The following PRPF6 variants were observed in gnomAD, a reference collection of about 807,000 sequenced individuals.
The protein encoded by PRPF6 is pre-mRNA-processing factor 6.
In PRPF6, 42 loss-of-function variants were observed where a neutral mutation model predicts 118.3. The ratio of observed to expected loss-of-function variants is 0.35; its 90% CI spans 0.28 to 0.46. The LOEUF is 0.46. PRPF6 is among the 20% of genes least tolerant of loss of function. The probability of loss-of-function intolerance (pLI) is 1.00; values close to 1 mark genes in which losing one functional copy is unlikely to be tolerated. For synonymous variants in PRPF6, 481 were observed against 485.1 expected, an observed-to-expected ratio of 0.99 and a Z score of 0.11; for missense variants, 662 against 1,255.7, an observed-to-expected ratio of 0.53 and a Z score of 7.15.
At chr20:64,016,551 T>C (rs756062363) in intron 11 of PRPF6, among the ~76,000 whole-genome samples, 172 bp from the exon 12 acceptor site, 2 of 152,220 alleles carry the variant, frequency 1.3e-5, no homozygotes, top group Non-Finnish European at 2.9e-5. Flanking sequence ...TTCTCTATTG[T>C]TTTTTCTGAT....
At chr20:63,999,955 C>CTTTT (rs35446612) in intron 8 of PRPF6, among the ~76,000 whole-genome samples, 196 bp downstream of exon 8, 9 of 145,832 alleles carry the variant, frequency 6.2e-5, no homozygotes, top group Admixed American at 4.8e-4. Context: ...TAATCCACCA[C>CTTTT]TTTTTTTTTT....
intron 11 of PRPF6, among the ~76,000 whole-genome samples, chr20:64,013,794 T>C (rs1291635420): frequency 6.6e-6 from 1 of 152,122 alleles, no homozygotes; most frequent in Non-Finnish European, 1.5e-5. Flanking sequence ...CCATTTAAAG[T>C]TTACGATTCA....
At chr20:63,985,183 G>A (rs1397675951) in intron 3 of PRPF6, among the ~76,000 whole-genome samples, 158 bp downstream of exon 3, 1 of 152,030 alleles carries the variant, frequency 6.6e-6, no homozygotes, top group Admixed American at 6.6e-5. Flanking sequence ...GGGCAACGTA[G>A]GGAGACTTAA....
Position 63,983,188 on chromosome 20 carries a change from G to C in PRPF6, c.213G>C (p.Glu71Asp). The C allele has an allele frequency of 2.5e-6, 4 of 1,614,196 alleles. No homozygotes were observed. Among genetic ancestry groups the C allele is most frequent in the Non-Finnish European group, 3.4e-6 (4 of 1,180,044 alleles). Reference protein sequence around the residue: ...KKNQAADDDDEDLNDTNYDEF... With the variant: ...KKNQAADDDDDDLNDTNYDEF... The stretch of plus-strand genomic sequence containing the variant: ...ATCAGGCTGCTGACGATGACGACGA[G>C]GATCTAAATGACACCAATTACGATG... Residue 71 changes from glutamate (E) to aspartate (D), a missense_variant, in exon 2 of 21, where the codon GAG (glutamate) becomes GAC (aspartate). Glu to Asp is a conservative substitution (Grantham distance 45, BLOSUM62 2). Around this residue, in one of 10 missense-constraint regions of PRPF6, gnomAD observed 21 missense variants for 45.5 expected, o/e 0.46. Transcript: ENST00000266079.
At chr20:64,003,080 G>C (rs541671535) in intron 9 of PRPF6, among the ~76,000 whole-genome samples, 2 of 152,166 alleles carry the variant, frequency 1.3e-5, no homozygotes, top group African/African-American at 4.8e-5. Flanking sequence ...AAGTAGCTGG[G>C]AGTATAGGTC....
intron 19 of PRPF6, among the ~76,000 whole-genome samples, chr20:64,031,210 G>C (rs2059312451): frequency 6.6e-6 from 1 of 152,276 alleles, no homozygotes; most frequent in Non-Finnish European, 1.5e-5. Context: ...GTTGCTGCTG[G>C]AGGCCGGGTG....
chr20:63,999,817 G>A, intron 8 of PRPF6, 58 bp downstream of exon 8: 2 of 1,589,812 alleles, frequency 1.3e-6, no homozygotes. Flanking sequence ...GCCCCTACGG[G>A]AGTAAACTTG....
chr20:63,983,655 T>A (rs570683967), intron 2 of PRPF6, among the ~76,000 whole-genome samples: 175 of 149,384 alleles, frequency 1.2e-3, no homozygotes, highest in Non-Finnish European at 1.9e-3. Flanking sequence ...GGCCAGTCTT[T>A]TTTTTTTTTT....
intron 14 of PRPF6, 36 bp from the exon 15 acceptor site, chr20:64,025,903 C>G (rs759899416): frequency 1.2e-6 from 2 of 1,613,340 alleles, no homozygotes; most frequent in Non-Finnish European, 1.7e-6. Flanking sequence ...TCCCTGTGTT[C>G]TGACCCCTCT....
chr20:63,990,571 G>A (rs141867513), intron 3 of PRPF6, among the ~76,000 whole-genome samples: 2 of 151,900 alleles, frequency 1.3e-5, no homozygotes, highest in African/African-American at 2.4e-5. Context: ...CCTGGCTCAA[G>A]CGATTCTCCT....
rs190343058 is a variant in PRPF6 at position 64,003,676 on chromosome 20, A to G, written c.1186+2437A>G. 2.7e-3 allele frequency among the ~76,000 whole-genome samples: 413 copies of G among 152,234 alleles called. 3 individuals are homozygous for G. Among genetic ancestry groups the G allele is most frequent in the African/African-American group, 9.5e-3 (393 of 41,528 alleles). On this transcript the variant is annotated intron_variant, in intron 9 of 20. Transcript: ENST00000266079. ...AGTGGCACGACCTCGGCTCTCTGCAAGCTCCGCCTCCCAGGTTCACGCCAT... is the reference window on the plus strand; with the variant it reads ...AGTGGCACGACCTCGGCTCTCTGCAGGCTCCGCCTCCCAGGTTCACGCCAT...
chr20:64,009,279 C>CAAAAAAAAAAAAAAAAAAAAAAAAA (rs59045216), intron 9 of PRPF6, among the ~76,000 whole-genome samples: 1 of 38,230 alleles, frequency 2.6e-5, no homozygotes, highest in Non-Finnish European at 4.9e-5. Flanking sequence ...GACTCCATCG[C>CAAAAAAAAAAAAAAAAAAAAAAAAA]AAAAAAAAAA....
intron 11 of PRPF6, 62 bp from the exon 12 acceptor site, chr20:64,016,661 C>T: frequency 6.2e-7 from 1 of 1,602,720 alleles, no homozygotes; most frequent in Middle Eastern, 1.7e-4. Context: ...TCCGTACTCC[C>T]CGTTGGGAAT....
Position 64,026,140 on chromosome 20 carries a change from G to A in PRPF6, c.2028+82G>A, listed in dbSNP as rs935159403. 7.7e-5 allele frequency: 122 copies of A among 1,585,338 alleles called. 1 individual carries two copies. Among genetic ancestry groups the A allele is most frequent in the Admixed American group, 1.0e-4 (6 of 57,808 alleles). The stretch of plus-strand genomic sequence containing the variant: ...CCCCACGCCTGGCTTGGGTGGTGAT[G>A]GGAGTGAGATGACGGCAGGCAAACG... On this transcript the variant is annotated intron_variant, in intron 15 of 20. Transcript: ENST00000266079. The surrounding 1 kb of genome is among the most constrained non-coding windows in gnomAD (Gnocchi z 4.4).
At position 64,029,862 on chromosome 20, in the gene PRPF6, G is replaced by T. The variant is rs1225238513; in HGVS notation, c.2546+371G>T. Among the ~76,000 whole-genome samples, 1 of 152,004 alleles carries T rather than the reference G, an allele frequency of 6.6e-6. No homozygotes were observed. Among genetic ancestry groups the T allele is most frequent in the Admixed American group, 6.6e-5 (1 of 15,244 alleles). ...GTCGCCGGGTCAGAGACTCACTGGG[G>T]ACGCATGTGATTCACACTGGTGCGC... On this transcript the variant is annotated intron_variant, in intron 19 of 20. Transcript: ENST00000266079. The surrounding 1 kb of genome is among the most constrained non-coding windows in gnomAD (Gnocchi z 4.8).
At chr20:64,008,866 A>G (rs920436581) in intron 9 of PRPF6, among the ~76,000 whole-genome samples, 5 of 152,156 alleles carry the variant, frequency 3.3e-5, no homozygotes, top group African/African-American at 1.2e-4. Context: ...ATTGCAGGTA[A>G]TATTCTTAAT....
chr20:64,029,180 G>C lies in PRPF6; in HGVS notation c.2432-197G>C, dbSNP rs1223018394. ...AGACTCTGCAGGGTGTCCAGTCTGT[G>C]CCCTCAGGGCTGCCATGGTTTTGGG... On this transcript the variant is annotated intron_variant, in intron 18 of 20. Coordinates refer to ENST00000266079, the MANE Select transcript of PRPF6 (RefSeq NM_012469.4). This position sits in a 1 kb window ranked among gnomAD's most constrained non-coding sequence, Gnocchi z 4.8. Among the ~76,000 whole-genome samples the C allele has an allele frequency of 2.6e-5, 4 of 152,188 alleles. No individual in the cohort carries two copies. Among genetic ancestry groups the C allele is most frequent in the African/African-American group, 9.6e-5 (4 of 41,452 alleles).
chr20:63,995,036 T>A lies in PRPF6; in HGVS notation c.559T>A (p.Phe187Ile), dbSNP rs2059135203. ...EKLTPVPDSF[F>I]AKHLQTGENH... ...GCTGACCCCTGTTCCTGACAGTTTCTTTGCCAAACATTTACAGACCGGAGA... is the reference window on the plus strand; with the variant it reads ...GCTGACCCCTGTTCCTGACAGTTTCATTGCCAAACATTTACAGACCGGAGA... The change falls in exon 5 of 21, where the codon TTT becomes ATT. Residue 187 changes from phenylalanine to isoleucine, a missense_variant. This residue lies in a region of PRPF6 where 97 missense variants were observed against 122.6 expected (regional missense o/e 0.79). Coordinates refer to ENST00000266079, the MANE Select transcript of PRPF6 (RefSeq NM_012469.4). The A allele has an allele frequency of 6.2e-7, 1 of 1,614,078 alleles. No homozygotes were observed. Among genetic ancestry groups the A allele is most frequent in the African/African-American group, 1.3e-5 (1 of 74,928 alleles).
At chr20:64,017,310 C>T (rs1473419645) in intron 12 of PRPF6, among the ~76,000 whole-genome samples, 2 of 147,738 alleles carry the variant, frequency 1.4e-5, no homozygotes, top group Non-Finnish European at 3.0e-5. Flanking sequence ...GGATCACAGG[C>T]GTGAGCCACC....
Sources: gnomAD v4.1 joint callset for allele counts (sites outside exome capture counted in the v4.1 genomes callset) on GRCh38, gnomAD v4.1.1 for gene constraint, gnomAD v4.1.1 regional missense constraint, Gnocchi (gnomAD v3.1) non-coding constraint, MANE v1.5 for transcripts, NCBI Gene and HGNC (gene_info 2026-07-23, HGNC 2026-07-21) for gene names.